The following PDE4D variants were observed in gnomAD, a reference collection of about 807,000 sequenced individuals.
PDE4D encodes the protein 3',5'-cyclic-AMP phosphodiesterase 4D.
A neutral mutation model predicts 87.4 loss-of-function variants in PDE4D; 24 were observed. That is an observed-to-expected ratio of 0.27 (90% CI 0.20 to 0.39). The LOEUF (loss-of-function observed/expected upper bound fraction) is 0.39, where lower values mean the gene tolerates loss of function less well. Ranked by LOEUF, PDE4D falls within the 10% of genes least tolerant of loss-of-function variation. PDE4D has a pLI of 1.00. For synonymous variants in PDE4D, 384 were observed against 383.2 expected, an observed-to-expected ratio of 1.00 and a Z score of -0.02; for missense variants, 714 against 1,041.0, an observed-to-expected ratio of 0.69 and a Z score of 4.32.
At chr5:59,572,780 G>A (rs1375831171) in intron 1 of PDE4D, among the ~76,000 whole-genome samples, 2 of 152,008 alleles carry the variant, frequency 1.3e-5, no homozygotes, top group Non-Finnish European at 2.9e-5. Context: ...ACGCCCGGCC[G>A]CTTTCTTTTA....
At chr5:59,513,446 T>C (rs1302997811) in intron 1 of PDE4D, among the ~76,000 whole-genome samples, 1 of 152,164 alleles carries the variant, frequency 6.6e-6, no homozygotes. Flanking sequence ...TGAGAAAACA[T>C]TGTAAGGATG....
At chr5:59,784,467 G>A (rs1432706531) in intron 1 of PDE4D, among the ~76,000 whole-genome samples, 2 of 152,158 alleles carry the variant, frequency 1.3e-5, no homozygotes, top group African/African-American at 4.8e-5. Flanking sequence ...GTGTGGAACA[G>A]GTTGAAACCT....
At chr5:59,221,433 G>A (rs1338198828) in intron 1 of PDE4D, among the ~76,000 whole-genome samples, 1 of 152,006 alleles carries the variant, frequency 6.6e-6, no homozygotes, top group East Asian at 1.9e-4. Context: ...GGAGTTCAGG[G>A]CCAGCCTGGG....
chr5:59,518,715 C>T (rs1023850660), intron 1 of PDE4D, among the ~76,000 whole-genome samples: 8 of 152,122 alleles, frequency 5.3e-5, no homozygotes, highest in Non-Finnish European at 1.2e-4. Context: ...CATGATTCTG[C>T]CATATCCACA....
At chr5:60,241,880 T>C (rs1747170550) in intron 1 of PDE4D, among the ~76,000 whole-genome samples, 1 of 151,910 alleles carries the variant, frequency 6.6e-6, no homozygotes, top group Non-Finnish European at 1.5e-5. Context: ...TCCCAAAAGC[T>C]ATGGAGAAAG....
At chr5:59,911,960 A>G (rs1474497091) in intron 3 of PDE4D, among the ~76,000 whole-genome samples, 2 of 152,202 alleles carry the variant, frequency 1.3e-5, no homozygotes, top group Admixed American at 6.5e-5. Context: ...TTAAAGCCCT[A>G]TAAGACTCAC....
chr5:60,384,540 C>A (rs965552892), intron 1 of PDE4D, among the ~76,000 whole-genome samples: 4 of 152,180 alleles, frequency 2.6e-5, no homozygotes, highest in African/African-American at 9.7e-5. Context: ...TTTGCTTCCT[C>A]TCTCCTCCTG....
At chr5:60,269,595 C>T (rs895708782) in intron 1 of PDE4D, among the ~76,000 whole-genome samples, 2 of 152,056 alleles carry the variant, frequency 1.3e-5, no homozygotes, top group African/African-American at 2.4e-5. Context: ...AATTTTTGGG[C>T]AAGAAAATAG....
chr5:59,893,474 A>G lies in PDE4D; in HGVS notation c.149T>C (p.Leu50Pro). ...QYPLRQPQFR[L>P]LHPHHHLPPP... Reference sequence around the variant, plus strand: ...GGGCAGGTGGTGATGGGGATGCAGGAGGCGGAACTGGGGCTGCCGGAGCGG... The same window carrying G: ...GGGCAGGTGGTGATGGGGATGCAGGGGGCGGAACTGGGGCTGCCGGAGCGG... The change falls in exon 1 of 15, where the codon CTC becomes CCC. Residue 50 changes from leucine (L) to proline (P), a missense_variant. Around this residue, in one of 7 missense-constraint regions of PDE4D, gnomAD observed 268 missense variants for 272.9 expected, o/e 0.98. Coordinates refer to ENST00000340635, the MANE Select transcript of PDE4D (RefSeq NM_001104631.2). 1 of 1,535,886 alleles carries G rather than the reference A, an allele frequency of 6.5e-7. No homozygotes were observed. The highest frequency in any genetic ancestry group is 8.8e-7 in the Non-Finnish European group (1 of 1,140,374).
intron 3 of PDE4D, among the ~76,000 whole-genome samples, chr5:59,950,929 C>G (rs1408007198): frequency 1.3e-5 from 2 of 151,850 alleles, no homozygotes; most frequent in Non-Finnish European, 2.9e-5. Flanking sequence ...AACATTTATG[C>G]CAATGGCATA....
At chr5:60,319,585 T>G (rs1756001093) in intron 1 of PDE4D, among the ~76,000 whole-genome samples, 2 of 152,214 alleles carry the variant, frequency 1.3e-5, no homozygotes, top group African/African-American at 4.8e-5. Context: ...CCAGTTTTTC[T>G]GCTCTGTTTT....
chr5:59,893,451 G>T lies in PDE4D; in HGVS notation c.172C>A (p.Pro58Thr). The T allele has an allele frequency of 6.6e-7, 1 of 1,521,674 alleles. No homozygotes were observed. The allele number at this position is 1,521,674 out of a possible 1,614,324, so 94.3% of individuals were successfully genotyped here. A position where few individuals can be genotyped will look rare whatever the true frequency, so the allele number is the denominator to read the frequency against. ...FRLLHPHHHL[P>T]PPPPPSPQPQ... is the part of the protein sequence containing the mutation. ...TGGGGCGAGGGTGGCGGCGGCGGGGGCAGGTGGTGATGGGGATGCAGGAGG... is the reference window on the plus strand; with the variant it reads ...TGGGGCGAGGGTGGCGGCGGCGGGGTCAGGTGGTGATGGGGATGCAGGAGG... The change falls in exon 1 of 15, where the codon CCC becomes ACC. Residue 58 changes from proline (P) to threonine (T), a missense_variant. Pro to Thr is a conservative substitution (Grantham distance 38, BLOSUM62 -1). Around this residue, in one of 7 missense-constraint regions of PDE4D, gnomAD observed 268 missense variants for 272.9 expected, o/e 0.98. Transcript: ENST00000340635.
intron 1 of PDE4D, among the ~76,000 whole-genome samples, chr5:59,464,197 G>C (rs560834773): frequency 6.6e-6 from 1 of 152,240 alleles, no homozygotes; most frequent in East Asian, 1.9e-4. Context: ...CCCCCAGCCC[G>C]ACACCCGTAA....
chr5:59,714,358 T>C (rs1754677919), intron 1 of PDE4D, among the ~76,000 whole-genome samples: 1 of 152,236 alleles, frequency 6.6e-6, no homozygotes, highest in African/African-American at 2.4e-5. Flanking sequence ...GACTACTTGC[T>C]GCAGCCAGGT....
At chr5:60,404,608 T>C (rs1741384391) in intron 1 of PDE4D, among the ~76,000 whole-genome samples, 1 of 152,194 alleles carries the variant, frequency 6.6e-6, no homozygotes, top group African/African-American at 2.4e-5. Context: ...AGGAACAGGA[T>C]ATTTTATTTT....
At chr5:59,205,222 T>C (rs1222440822) in intron 2 of PDE4D, among the ~76,000 whole-genome samples, 1 of 152,178 alleles carries the variant, frequency 6.6e-6, no homozygotes, top group Non-Finnish European at 1.5e-5. Flanking sequence ...AAACTATACG[T>C]ATTCCTTTGG....
intron 5 of PDE4D, among the ~76,000 whole-genome samples, chr5:59,076,883 A>G (rs961987899): frequency 4.6e-5 from 7 of 152,328 alleles, no homozygotes; most frequent in African/African-American, 1.7e-4. Flanking sequence ...CAGTATTTCA[A>G]TATCTAATAA....
At chr5:59,554,916 G>T (rs2153689246) in intron 1 of PDE4D, among the ~76,000 whole-genome samples, 1 of 152,288 alleles carries the variant, frequency 6.6e-6, no homozygotes, top group Admixed American at 6.5e-5. Context: ...GGTGTAAGAA[G>T]ACTAAATATT....
intron 1 of PDE4D, among the ~76,000 whole-genome samples, chr5:59,879,152 G>C (rs1413816660): frequency 1.3e-5 from 2 of 151,688 alleles, no homozygotes; most frequent in South Asian, 2.1e-4. Context: ...CGCTCTCCTC[G>C]GCCTCCCAAA....
Sources: gnomAD v4.1 joint callset for allele counts (sites outside exome capture counted in the v4.1 genomes callset) on GRCh38, gnomAD v4.1.1 for gene constraint, gnomAD v4.1.1 regional missense constraint, MANE v1.5 for transcripts, NCBI Gene and HGNC (gene_info 2026-07-23, HGNC 2026-07-21) for gene names.